SNRK: variants seen among roughly 807,000 people sequenced by gnomAD.
SNRK encodes SNF related kinase, also known as SNF-related serine/threonine-protein kinase.
A neutral mutation model predicts 48.2 loss-of-function variants in SNRK; 3 were observed. The ratio of observed to expected loss-of-function variants is 0.06; its 90% CI spans 0.03 to 0.16. SNRK has a LOEUF of 0.16. Ranked by LOEUF, SNRK falls within the 10% of genes least tolerant of loss-of-function variation. The probability of loss-of-function intolerance (pLI) is 1.00; values close to 1 mark genes in which losing one functional copy is unlikely to be tolerated. For synonymous variants in SNRK, 376 were observed against 366.1 expected, an observed-to-expected ratio of 1.03 and a Z score of -0.31; for missense variants, 627 against 976.0, an observed-to-expected ratio of 0.64 and a Z score of 4.76.
At chr3:43,307,931 A>C (rs894764694) in intron 3 of SNRK, among the ~76,000 whole-genome samples, 1 of 152,258 alleles carries the variant, frequency 6.6e-6, no homozygotes, top group African/African-American at 2.4e-5. Flanking sequence ...AATGCAAAAG[A>C]AAAGTTCTTG....
intron 6 of SNRK, 55 bp downstream of exon 6, chr3:43,343,533 C>T (rs2125647702): frequency 1.5e-5 from 19 of 1,306,970 alleles, no homozygotes; most frequent in Admixed American, 4.7e-5. Context: ...AAATAGCGAA[C>T]TTTTTTTTTT....
intron 3 of SNRK, among the ~76,000 whole-genome samples, chr3:43,309,031 A>G (rs970575236): frequency 2.0e-5 from 3 of 152,214 alleles, no homozygotes; most frequent in African/African-American, 7.2e-5. Flanking sequence ...ATAACTGCAT[A>G]TGTGGTGGAA....
intron 6 of SNRK, among the ~76,000 whole-genome samples, chr3:43,346,023 C>G (rs955439788): frequency 6.6e-6 from 1 of 152,098 alleles, no homozygotes; most frequent in Non-Finnish European, 1.5e-5. Context: ...CCAGCCTGCC[C>G]TGTAGAGCCG....
intron 3 of SNRK, among the ~76,000 whole-genome samples, chr3:43,318,994 C>CCGCAG (rs2091033439): frequency 1.3e-5 from 2 of 150,856 alleles, no homozygotes; most frequent in Admixed American, 1.3e-4. Context: ...TGCCACTGCA[C>CCGCAG]TCCAGCCTGG....
chr3:43,299,985 G>T (rs960117973), intron 2 of SNRK, among the ~76,000 whole-genome samples, 170 bp downstream of exon 2: 1 of 152,216 alleles, frequency 6.6e-6, no homozygotes, highest in African/African-American at 2.4e-5. Flanking sequence ...AGTAGGATTA[G>T]ACAGTAGACT....
At chr3:43,326,208 C>A (rs1050751543) in intron 3 of SNRK, among the ~76,000 whole-genome samples, 2 of 152,078 alleles carry the variant, frequency 1.3e-5, no homozygotes, top group Non-Finnish European at 2.9e-5. Flanking sequence ...TGCAGCTTAT[C>A]TTCCCTGATT....
Position 43,348,002 on chromosome 3 carries a change from G to A in SNRK, c.1743G>A (p.Gly581=), listed in dbSNP as rs560118777. ...CCCCTGGCAGTGAGGGGGATGGCGG[G>A]GGCCAGAGCAAGCCAAGCAATGCCA... is the stretch of plus-strand genomic sequence containing the variant. ...EGPPGSEGDG[G]GQSKPSNASG... Residue 581 remains glycine (G), a synonymous_variant, in exon 7 of 7, where the codon GGG becomes GGA. Coordinates refer to ENST00000296088, the MANE Select transcript of SNRK (RefSeq NM_017719.5). The A allele has an allele frequency of 3.7e-6, 6 of 1,613,256 alleles. No individual in the cohort carries two copies. In the African/African-American group the frequency reaches 5.3e-5, roughly 14 times the overall value.
At position 43,347,632 on chromosome 3, in the gene SNRK, C is replaced by T. The variant is rs760642858; in HGVS notation, c.1373C>T (p.Pro458Leu). 14 of 1,613,720 alleles carry T rather than the reference C, an allele frequency of 8.7e-6. No individual in the cohort carries two copies. The East Asian group carries it at 2.2e-4, about 26-fold the overall frequency. Residue 458 changes from proline (P) to leucine (L), a missense_variant, in exon 7 of 7, where the codon CCC becomes CTC. Physicochemically the swap from Pro to Leu is moderately conservative, Grantham distance 98 (BLOSUM62 -3). Transcript: ENST00000296088. The surrounding 1 kb of genome is among the most constrained non-coding windows in gnomAD (Gnocchi z 5.4). ...GAGGAAGATGAGGAGGACAAGAAAC[C>T]CATGTCCCTCTCAACACAAGTGGTT... ...DEEEDEEDKK[P>L]MSLSTQVVLR...
At chr3:43,289,481 G>GTT (rs2090793067) in intron 1 of SNRK, among the ~76,000 whole-genome samples, 1 of 152,134 alleles carries the variant, frequency 6.6e-6, no homozygotes, top group Admixed American at 6.5e-5. Context: ...GTTTTGTTTT[G>GTT]TTTTAACTTT....
At chr3:43,339,557 C>T (rs1402836783) in intron 4 of SNRK, among the ~76,000 whole-genome samples, 2 of 151,820 alleles carry the variant, frequency 1.3e-5, no homozygotes, top group Admixed American at 6.6e-5. Context: ...GTGGCTCATG[C>T]CTGTAATCCC....
intron 2 of SNRK, among the ~76,000 whole-genome samples, 169 bp from the exon 3 acceptor site, chr3:43,302,929 A>G (rs1575535213): frequency 6.6e-6 from 1 of 152,130 alleles, no homozygotes; most frequent in Admixed American, 6.5e-5. Context: ...TTTGTAATAT[A>G]AAGTCTAAAT....
chr3:43,334,982 CT>C (rs57592269), intron 4 of SNRK, among the ~76,000 whole-genome samples: 3 of 151,850 alleles, frequency 2.0e-5, no homozygotes, highest in African/African-American at 7.2e-5. Context: ...TGTGCCTTAT[CT>C]TTTTTTTGTC....
chr3:43,321,171 A>G (rs2091050623), intron 3 of SNRK, among the ~76,000 whole-genome samples: 1 of 152,158 alleles, frequency 6.6e-6, no homozygotes, highest in Non-Finnish European at 1.5e-5. Context: ...ATCAAAATGA[A>G]TTTATTAATT....
rs565229210 is a variant in SNRK at position 43,342,679 on chromosome 3, C to G, written c.945-665C>G. On this transcript the variant is annotated intron_variant, in intron 5 of 6. Coordinates refer to ENST00000296088, the MANE Select transcript of SNRK (RefSeq NM_017719.5). Reference sequence around the variant, plus strand: ...GTATGTATGTCCTGTGACAGGTCAGCTACAAGAGAGTGGGCAGGGCTGTGG... The same window carrying G: ...GTATGTATGTCCTGTGACAGGTCAGGTACAAGAGAGTGGGCAGGGCTGTGG... Among the ~76,000 whole-genome samples, 109 of 152,360 alleles carry G rather than the reference C, an allele frequency of 7.2e-4. No individual in the cohort carries two copies. The Middle Eastern group carries it at 0.024, about 33-fold the overall frequency.
chr3:43,333,206 C>G (rs1348187368), intron 4 of SNRK: 1 of 151,684 alleles, frequency 6.6e-6, no homozygotes, highest in Non-Finnish European at 1.5e-5. Context: ...CCCGTCTCTA[C>G]TAAAAATACA....
At position 43,320,885 on chromosome 3, in the gene SNRK, G is replaced by A. The variant is rs1455768999; in HGVS notation, c.590-11284G>A. ...TTCATGACTTTGAATTTTAGCTCAT[G>A]TATTCCTGTTACTCCCAAAACTTTA... On this transcript the variant is annotated intron_variant, in intron 3 of 6. Transcript: ENST00000296088. 2.1e-5 allele frequency among the ~76,000 whole-genome samples: 3 copies of A among 146,018 alleles called. No homozygotes were observed. The East Asian group carries it at 6.0e-4, about 29-fold the overall frequency.
chr3:43,348,760 C>G lies in SNRK; in HGVS notation c.*203C>G, dbSNP rs1379471008. ...CACTTTTCTTTCCCAGCCGAAAAGC[C>G]TATTATGTAATTTTTACATTCATAA... On this transcript the variant is annotated 3_prime_UTR_variant, in exon 7 of 7. Transcript: ENST00000296088. The G allele has an allele frequency of 2.2e-6, 1 of 452,072 alleles. No individual in the cohort carries two copies. Among genetic ancestry groups the G allele is most frequent in the African/African-American group, 2.0e-5 (1 of 49,468 alleles). 28.0% of individuals were successfully genotyped at this position (452,072 alleles called of 1,614,324 possible). A position where few individuals can be genotyped will look rare whatever the true frequency, so the allele number is the denominator to read the frequency against.
intron 3 of SNRK, among the ~76,000 whole-genome samples, chr3:43,330,892 C>T (rs569645896): frequency 2.6e-5 from 4 of 152,152 alleles, no homozygotes; most frequent in Non-Finnish European, 5.9e-5. Flanking sequence ...CATTAGTTTC[C>T]ATCAGAGTAT....
chr3:43,287,620 A>C lies in SNRK; in HGVS notation c.-169+945A>C, dbSNP rs2090776939. On this transcript the variant is annotated intron_variant, in intron 1 of 6. Transcript: ENST00000296088. ...TAGGAACCGTGGTAAAGTTGACTTA[A>C]TGCCTTAAACATTTTGTCAGGTTTT... 3.3e-5 allele frequency among the ~76,000 whole-genome samples: 5 copies of C among 152,304 alleles called. No homozygotes were observed. In the South Asian group the frequency reaches 1.0e-3, roughly 32 times the overall value.
Sources: allele counts gnomAD v4.1 joint callset (sites outside exome capture counted in the v4.1 genomes callset), GRCh38; gene constraint gnomAD v4.1.1; non-coding constraint Gnocchi (gnomAD v3.1); transcripts MANE v1.5; gene names NCBI Gene and HGNC (gene_info 2026-07-23, HGNC 2026-07-21).